Variants in ELOA observed in about 807,000 individuals in gnomAD.
ELOA encodes the protein elongin-A.
ELOA carries 15 observed loss-of-function variants against 85.2 expected under a neutral mutation model. The observed-to-expected ratio is 0.18, with a 90% CI of 0.12 to 0.27. The LOEUF is 0.27. ELOA is among the 10% of genes least tolerant of loss of function. The pLI is 1.00. For missense variants in ELOA, 769 were observed against 952.7 expected (o/e 0.81, Z 2.54); for synonymous variants, 348 against 357.2 (o/e 0.97, Z 0.29).
In ELOA at chr1:23,759,954, T is replaced by G. The variant is rs1005826075; in HGVS notation, c.*381T>G. On this transcript the variant is annotated 3_prime_UTR_variant, in exon 11 of 11. Coordinates refer to ENST00000613537, the MANE Select transcript of ELOA (RefSeq NM_003198.3). Reference sequence around the variant, plus strand: ...TTTGTCCTCTACCACACATTTAGCCTTTTATCTTCCAGGTCCTTATTAAAA... The same window carrying G: ...TTTGTCCTCTACCACACATTTAGCCGTTTATCTTCCAGGTCCTTATTAAAA... The G allele has an allele frequency of 4.4e-6, 1 of 226,684 alleles. No homozygotes were observed. The highest frequency in any genetic ancestry group is 2.3e-5 in the African/African-American group (1 of 42,764). 14.0% of individuals were successfully genotyped at this position (226,684 alleles called of 1,614,324 possible). A position where few individuals can be genotyped will look rare whatever the true frequency, so the allele number is the denominator to read the frequency against.
chr1:23,746,405 C>T (rs1391344841), intron 1 of ELOA, among the ~76,000 whole-genome samples: 1 of 151,100 alleles, frequency 6.6e-6, no homozygotes, highest in African/African-American at 2.4e-5. Flanking sequence ...GTCAAGAGTT[C>T]GAGACCAGCC....
chr1:23,749,322 T>G (rs1017655869), intron 2 of ELOA, among the ~76,000 whole-genome samples: 2 of 152,238 alleles, frequency 1.3e-5, no homozygotes, highest in Non-Finnish European at 2.9e-5. Context: ...TTTAGGGTAA[T>G]GTAAATGTTC....
At chr1:23,755,753 C>G (rs1644791414) in intron 7 of ELOA, 90 bp from the exon 8 acceptor site, 1 of 1,367,698 alleles carries the variant, frequency 7.3e-7, no homozygotes, top group East Asian at 2.4e-5. Context: ...GCACTGCAGT[C>G]TACACGACAG....
At chr1:23,750,413 C>T (rs1024483800) in intron 3 of ELOA, among the ~76,000 whole-genome samples, 3 of 152,102 alleles carry the variant, frequency 2.0e-5, no homozygotes, top group African/African-American at 4.8e-5. Context: ...ATCTCCTGAC[C>T]TCGTGATCTG....
At position 23,751,994 on chromosome 1, in the gene ELOA, G is replaced by A. The variant is rs1407253411; in HGVS notation, c.1389G>A (p.Glu463=). 1.2e-6 allele frequency: 2 copies of A among 1,605,658 alleles called. No individual in the cohort carries two copies. Among genetic ancestry groups the A allele is most frequent in the Non-Finnish European group, 1.7e-6 (2 of 1,178,010 alleles). Residue 463 remains glutamate, a synonymous_variant, in exon 4 of 11, where the codon GAG becomes GAA. Transcript: ENST00000613537. ...CCAAGGTGAACAAAACCAAGTCAGAGAAGCCGGCTGGAGCTGATTTAGCCA... is the reference window on the plus strand; with the variant it reads ...CCAAGGTGAACAAAACCAAGTCAGAAAAGCCGGCTGGAGCTGATTTAGCCA... ...KLPKVNKTKS[E]KPAGADLAKL...
intron 1 of ELOA, among the ~76,000 whole-genome samples, chr1:23,745,014 A>G (rs1444214601): frequency 2.0e-5 from 3 of 152,170 alleles, no homozygotes; most frequent in African/African-American, 4.8e-5. Flanking sequence ...GGTTTCTGCA[A>G]TTCCAAAGGC....
Position 23,755,798 on chromosome 1 carries a change from T to G in ELOA, c.1792-45T>G, listed in dbSNP as rs560850377. On this transcript the variant is annotated intron_variant, in intron 7 of 10. Coordinates refer to ENST00000613537, the MANE Select transcript of ELOA (RefSeq NM_003198.3). ...CTGTCTCAAAAAAAAAAAAAAAATA[T>G]GGAAAAGTGCTTGTACACAAATGAT... 4.7e-4 allele frequency: 660 copies of G among 1,419,002 alleles called. 10 individuals are homozygous for G. The South Asian group carries it at 8.5e-3, about 18-fold the overall frequency. The allele number at this position is 1,419,002 out of a possible 1,614,324, so 87.9% of individuals were successfully genotyped here. A position where few individuals can be genotyped will look rare whatever the true frequency, so the allele number is the denominator to read the frequency against.
chr1:23,752,899 C>T (rs760016612), intron 5 of ELOA, among the ~76,000 whole-genome samples: 11 of 152,090 alleles, frequency 7.2e-5, no homozygotes, highest in Non-Finnish European at 8.8e-5. Context: ...GCCGAGATTA[C>T]GCCATTGCAC....
At chr1:23,749,140 G>C in intron 2 of ELOA, 63 bp downstream of exon 2, 4 of 1,417,318 alleles carry the variant, frequency 2.8e-6, no homozygotes, top group South Asian at 1.2e-5. Flanking sequence ...ACTGGAGAGT[G>C]TGTAGAATAA....
intron 1 of ELOA, among the ~76,000 whole-genome samples, chr1:23,745,742 C>T (rs1644743306): frequency 6.6e-6 from 1 of 152,196 alleles, no homozygotes; most frequent in African/African-American, 2.4e-5. Flanking sequence ...CAAGCTCCTA[C>T]AGGTTGTATG....
intron 4 of ELOA, 74 bp downstream of exon 4, chr1:23,752,104 C>A (rs1644774042): frequency 7.1e-7 from 1 of 1,407,748 alleles, no homozygotes; most frequent in Non-Finnish European, 9.6e-7. Flanking sequence ...ATTGCCCTGC[C>A]ACTGTTTTCC....
Position 23,749,091 on chromosome 1 carries a change from G to A in ELOA, c.132+14G>A, listed in dbSNP as rs1302970193. On this transcript the variant is annotated intron_variant, in intron 2 of 10. Coordinates refer to ENST00000613537, the MANE Select transcript of ELOA (RefSeq NM_003198.3). ...GACATTCTTGCGGTAAGAACTGTGT[G>A]ACTTTAAATATTATATAATGATATC... 6.2e-7 allele frequency: 1 copy of A among 1,601,168 alleles called. No individual in the cohort carries two copies. Among genetic ancestry groups the A allele is most frequent in the Non-Finnish European group, 8.6e-7 (1 of 1,168,716 alleles).
At chr1:23,753,730 C>CT (rs907492173) in intron 5 of ELOA, among the ~76,000 whole-genome samples, 12 of 151,892 alleles carry the variant, frequency 7.9e-5, no homozygotes, top group Non-Finnish European at 8.8e-5. Context: ...GATACATTTG[C>CT]TTTTTTTTGT....
chr1:23,754,963 G>T (rs549466304), intron 7 of ELOA, among the ~76,000 whole-genome samples: 3 of 150,288 alleles, frequency 2.0e-5, no homozygotes, highest in African/African-American at 7.3e-5. Context: ...TGGAGATAGG[G>T]TCTACCTCTG....
rs112791355 is a variant in ELOA at position 23,754,011 on chromosome 1, T to C, written c.1538-89T>C. On this transcript the variant is annotated intron_variant, in intron 5 of 10. Coordinates refer to ENST00000613537, the MANE Select transcript of ELOA (RefSeq NM_003198.3). ...CAAAAATCTGTAGCGTGGATTGCCATTGGGAAAGGGAAGTAGGAGGCTGAA... is the reference window on the plus strand; with the variant it reads ...CAAAAATCTGTAGCGTGGATTGCCACTGGGAAAGGGAAGTAGGAGGCTGAA... The C allele has an allele frequency of 1.3e-5, 19 of 1,490,254 alleles. 1 individual carries two copies. The highest frequency in any genetic ancestry group is 1.1e-4 in the African/African-American group (8 of 71,120). The allele number at this position is 1,490,254 out of a possible 1,614,324, so 92.3% of individuals were successfully genotyped here. A position where few individuals can be genotyped will look rare whatever the true frequency, so the allele number is the denominator to read the frequency against.
intron 9 of ELOA, 42 bp downstream of exon 9, chr1:23,756,427 C>T: frequency 6.6e-7 from 1 of 1,508,188 alleles, no homozygotes; most frequent in East Asian, 2.4e-5. Context: ...TGCTATCAAC[C>T]CTTAGAGGTA....
At chr1:23,743,658 G>C in intron 1 of ELOA, 80 bp downstream of exon 1, 1 of 1,368,242 alleles carries the variant, frequency 7.3e-7, no homozygotes, top group South Asian at 1.6e-5. Context: ...GAGCGTGGCG[G>C]GGTTCGGGGG....
chr1:23,743,696 G>C (rs1644733255), intron 1 of ELOA, 118 bp downstream of exon 1: 1 of 1,231,728 alleles, frequency 8.1e-7, no homozygotes, highest in Non-Finnish European at 1.0e-6. Context: ...GCCCCGCGGG[G>C]CTGGGGTCGT....
At chr1:23,753,967 A>G in intron 5 of ELOA, 133 bp from the exon 6 acceptor site, 1 of 1,133,254 alleles carries the variant, frequency 8.8e-7, no homozygotes, top group South Asian at 1.6e-5. Context: ...CTTATTTTTA[A>G]ATTCTCTGGA....
Sources: gnomAD v4.1 joint callset for allele counts (sites outside exome capture counted in the v4.1 genomes callset) on GRCh38, gnomAD v4.1.1 for gene constraint, MANE v1.5 for transcripts, NCBI Gene and HGNC (gene_info 2026-07-23, HGNC 2026-07-21) for gene names.